SLC35F1: variants seen among roughly 807,000 people sequenced by gnomAD.
SLC35F1 encodes the protein solute carrier family 35 member F1.
Under a neutral mutation model 48.7 loss-of-function variants are expected in SLC35F1, and 14 were observed. The observed-to-expected ratio is 0.29, with a 90% CI of 0.19 to 0.45. The LOEUF (loss-of-function observed/expected upper bound fraction) is 0.45, where lower values mean the gene tolerates loss of function less well. Among genes scored for constraint, SLC35F1 ranks in the 20% least tolerant of loss-of-function variants. The probability of loss-of-function intolerance (pLI) is 1.00; values close to 1 mark genes in which losing one functional copy is unlikely to be tolerated. For synonymous variants in SLC35F1, 190 were observed against 202.2 expected, an observed-to-expected ratio of 0.94 and a Z score of 0.51; for missense variants, 404 against 500.0, an observed-to-expected ratio of 0.81 and a Z score of 1.83.
intron 1 of SLC35F1, among the ~76,000 whole-genome samples, chr6:117,997,307 C>A (rs1777009148): frequency 6.6e-6 from 1 of 152,180 alleles, no homozygotes; most frequent in South Asian, 2.1e-4. Flanking sequence ...ATTGGTGTAC[C>A]TGAAAGTGAC....
At chr6:118,201,038 A>G (rs1293689541) in intron 2 of SLC35F1, among the ~76,000 whole-genome samples, 1 of 152,104 alleles carries the variant, frequency 6.6e-6, no homozygotes, top group Non-Finnish European at 1.5e-5. Context: ...CAGCCCCCCA[A>G]GTAGCTGGGA....
At chr6:118,218,987 G>A (rs1394324580) in intron 2 of SLC35F1, among the ~76,000 whole-genome samples, 1 of 152,080 alleles carries the variant, frequency 6.6e-6, no homozygotes, top group African/African-American at 2.4e-5. Flanking sequence ...TTATTTGTTT[G>A]TTGTGGGTTT....
intron 5 of SLC35F1, among the ~76,000 whole-genome samples, chr6:118,276,386 T>A (rs59772027): frequency 0.014 from 2,151 of 152,330 alleles, 55 homozygotes; most frequent in African/African-American, 0.049. Context: ...TTCACCAATC[T>A]CTTTCTACAA....
chr6:117,948,122 A>G (rs1166792346), intron 1 of SLC35F1, among the ~76,000 whole-genome samples: 2 of 152,224 alleles, frequency 1.3e-5, no homozygotes, highest in Admixed American at 6.5e-5. Flanking sequence ...AGTGTGGCCA[A>G]TGGTTTAGGG....
At chr6:118,128,675 G>A (rs566659710) in intron 1 of SLC35F1, among the ~76,000 whole-genome samples, 9 of 151,904 alleles carry the variant, frequency 5.9e-5, no homozygotes, top group African/African-American at 1.9e-4. Flanking sequence ...GTGGGAGGAG[G>A]GGGGAGGGAT....
intron 3 of SLC35F1, among the ~76,000 whole-genome samples, chr6:118,236,825 G>C (rs942297249): frequency 6.6e-6 from 1 of 152,212 alleles, no homozygotes; most frequent in African/African-American, 2.4e-5. Context: ...TGTTGGAAGA[G>C]ATACAAGGCA....
chr6:118,286,732 A>G (rs754733211), intron 7 of SLC35F1, among the ~76,000 whole-genome samples: 1 of 152,040 alleles, frequency 6.6e-6, no homozygotes, highest in Non-Finnish European at 1.5e-5. Flanking sequence ...GTTCACCACA[A>G]TCAAGCTAAT....
At chr6:118,152,625 G>A (rs1485087492) in intron 1 of SLC35F1, among the ~76,000 whole-genome samples, 1 of 152,180 alleles carries the variant, frequency 6.6e-6, no homozygotes, top group Non-Finnish European at 1.5e-5. Flanking sequence ...GTACAGGGAA[G>A]CTATCTTTTA....
At chr6:117,976,916 G>A (rs1393394687) in intron 1 of SLC35F1, among the ~76,000 whole-genome samples, 1 of 152,100 alleles carries the variant, frequency 6.6e-6, no homozygotes, top group Non-Finnish European at 1.5e-5. Context: ...ATAGTTTTGT[G>A]TGCTACTTTG....
At chr6:118,021,262 C>T (rs1056280055) in intron 1 of SLC35F1, among the ~76,000 whole-genome samples, 1 of 152,112 alleles carries the variant, frequency 6.6e-6, no homozygotes, top group Non-Finnish European at 1.5e-5. Flanking sequence ...TCAAAGATAA[C>T]TCATAGTGTC....
chr6:118,015,992 T>TA (rs1258384653), intron 1 of SLC35F1, among the ~76,000 whole-genome samples: 1 of 152,232 alleles, frequency 6.6e-6, no homozygotes, highest in Non-Finnish European at 1.5e-5. Context: ...AGATCATTTA[T>TA]AAAATTAATC....
chr6:118,308,462 C>G (rs1342485621), intron 7 of SLC35F1, among the ~76,000 whole-genome samples: 1 of 152,164 alleles, frequency 6.6e-6, no homozygotes, highest in Non-Finnish European at 1.5e-5. Context: ...GCTCCGAAAC[C>G]CACATTTTCT....
intron 2 of SLC35F1, among the ~76,000 whole-genome samples, chr6:118,168,123 T>G (rs1015447244): frequency 9.9e-5 from 15 of 152,170 alleles, no homozygotes; most frequent in Non-Finnish European, 1.9e-4. Flanking sequence ...GTTCTTCCAG[T>G]CCCTGCGCTG....
At chr6:118,300,151 T>G (rs283063) in intron 7 of SLC35F1, among the ~76,000 whole-genome samples, 17,793 of 152,160 alleles carry the variant, frequency 0.12, 1,402 homozygotes, top group African/African-American at 0.22. Flanking sequence ...ACATCTGTAC[T>G]GAACCTTATA....
chr6:118,280,814 C>T (rs529169371), intron 6 of SLC35F1, among the ~76,000 whole-genome samples: 3 of 151,028 alleles, frequency 2.0e-5, no homozygotes, highest in East Asian at 2.0e-4. Flanking sequence ...GAGGTTGCAG[C>T]GAGTCGGGAT....
At position 117,999,163 on chromosome 6, in the gene SLC35F1, G is replaced by A. The variant is rs970845116; in HGVS notation, c.173+91264G>A. The A allele has an allele frequency of 1.6e-5, 25 of 1,594,354 alleles. No homozygotes were observed. The African/African-American group carries it at 3.3e-4, about 21-fold the overall frequency. ...AGAAGATGCAGGCCAACAATGCCAA[G>A]GCCATGAGTGCACGTGCCGAGGCTA... On this transcript the variant is annotated intron_variant, in intron 1 of 7. Coordinates refer to ENST00000360388, the MANE Select transcript of SLC35F1 (RefSeq NM_001029858.4).
At chr6:118,016,011 T>G (rs1280177897) in intron 1 of SLC35F1, among the ~76,000 whole-genome samples, 1 of 152,210 alleles carries the variant, frequency 6.6e-6, no homozygotes, top group Non-Finnish European at 1.5e-5. Context: ...TCTAATTCCC[T>G]GGAGATGATT....
intron 1 of SLC35F1, among the ~76,000 whole-genome samples, chr6:117,921,449 T>C (rs573901038): frequency 5.9e-4 from 90 of 152,374 alleles, no homozygotes; most frequent in Middle Eastern, 3.4e-3. Context: ...AATTTTACTC[T>C]TTTTTAGCTG....
chr6:118,079,158 T>C (rs1772868932), intron 1 of SLC35F1, among the ~76,000 whole-genome samples: 1 of 152,190 alleles, frequency 6.6e-6, no homozygotes, highest in Non-Finnish European at 1.5e-5. Flanking sequence ...TTTATCACCA[T>C]CCTAAACAGA....
Sources: gnomAD v4.1 joint callset for allele counts (sites outside exome capture counted in the v4.1 genomes callset) on GRCh38, gnomAD v4.1.1 for gene constraint, MANE v1.5 for transcripts, NCBI Gene and HGNC (gene_info 2026-07-23, HGNC 2026-07-21) for gene names.